The following ZNF184 variants were observed in gnomAD, a reference collection of about 807,000 sequenced individuals.
ZNF184 encodes the protein zinc finger protein 184 (Kruppel-like).
A neutral mutation model predicts 54.4 loss-of-function variants in ZNF184; 16 were observed. The ratio of observed to expected loss-of-function variants is 0.29; its 90% CI spans 0.20 to 0.45. The LOEUF is 0.45. ZNF184 is among the 20% of genes least tolerant of loss of function. ZNF184 has a pLI of 1.00. For missense variants in ZNF184, 681 were observed against 888.2 expected (o/e 0.77, Z 2.97); for synonymous variants, 254 against 295.3 (o/e 0.86, Z 1.43).
chr6:27,425,344 G>A, the ZNF184 span, among the ~76,000 whole-genome samples: 3 of 152,352 alleles, frequency 2.0e-5, no homozygotes, highest in Non-Finnish European at 4.4e-5. Flanking sequence ...AGGAGGCGCC[G>A]AGAGCGAGCG....
intron 3 of ZNF184, among the ~76,000 whole-genome samples, chr6:27,459,041 C>T (rs773898442): frequency 2.0e-5 from 3 of 152,002 alleles, no homozygotes; most frequent in Non-Finnish European, 4.4e-5. Context: ...ACAAAACGAG[C>T]TCATAGAGAG....
At chr6:27,408,459 A>G in the ZNF184 span, among the ~76,000 whole-genome samples, 1 of 152,174 alleles carries the variant, frequency 6.6e-6, no homozygotes, top group Non-Finnish European at 1.5e-5. Context: ...AGTATTCTCT[A>G]AAGTTCCCCT....
the ZNF184 span, among the ~76,000 whole-genome samples, chr6:27,424,356 C>T: frequency 8.3e-4 from 126 of 152,266 alleles, 2 homozygotes; most frequent in Middle Eastern, 3.4e-3. Flanking sequence ...CCACAGGGTA[C>T]AAGGAAAGCC....
In ZNF184 at chr6:27,465,016, C is replaced by CAAAAAAAAAAAAAAAAA. The variant is rs61602778; in HGVS notation, c.75+2820_75+2836dup. On this transcript the variant is annotated intron_variant, in intron 3 of 5. Transcript: ENST00000683788. The stretch of plus-strand genomic sequence containing the variant: ...TGGGCGACAGAGCAAGACTCTGTCT[C>CAAAAAAAAAAAAAAAAA]AAAAAAAAAAAAAAAAAAAAATAGA... Among the ~76,000 whole-genome samples, 3 of 48,916 alleles carry CAAAAAAAAAAAAAAAAA rather than the reference C, an allele frequency of 6.1e-5. 1 individual carries two copies. Among genetic ancestry groups the CAAAAAAAAAAAAAAAAA allele is most frequent in the African/African-American group, 2.3e-4 (2 of 8,696 alleles). The allele number at this position is 48,916 out of a possible 152,430, so 32.1% of individuals were successfully genotyped here. A position where few individuals can be genotyped will look rare whatever the true frequency, so the allele number is the denominator to read the frequency against.
At chr6:27,406,185 G>C in the ZNF184 span, 9 of 152,332 alleles carry the variant, frequency 5.9e-5, no homozygotes, top group Non-Finnish European at 1.2e-4. Context: ...AATGCTGATT[G>C]AGAAGAATGC....
intron 3 of ZNF184, among the ~76,000 whole-genome samples, chr6:27,463,437 TA>T (rs1228425334): frequency 6.6e-6 from 1 of 151,616 alleles, no homozygotes; most frequent in Non-Finnish European, 1.5e-5. Context: ...CTATTCAAAA[TA>T]AAAGAAAAAA....
intron 3 of ZNF184, among the ~76,000 whole-genome samples, chr6:27,464,679 G>A (rs1228762243): frequency 6.6e-6 from 1 of 151,914 alleles, no homozygotes; most frequent in African/African-American, 2.4e-5. Flanking sequence ...GAATACAAAT[G>A]GTCTAAACAC....
intron 3 of ZNF184, among the ~76,000 whole-genome samples, chr6:27,465,511 C>CAAAAAAAAAAAAAAAAAAAAAAA (rs1345135612): frequency 2.3e-5 from 2 of 88,444 alleles, no homozygotes; most frequent in African/African-American, 4.3e-5. Flanking sequence ...AAAAAAAAAG[C>CAAAAAAAAAAAAAAAAAAAAAAA]AAAACCCAAC....
chr6:27,465,016 CAAAAAAAA>C (rs61602778), intron 3 of ZNF184, among the ~76,000 whole-genome samples: 12 of 48,918 alleles, frequency 2.5e-4, no homozygotes, highest in African/African-American at 1.3e-3. Flanking sequence ...GACTCTGTCT[CAAAAAAAA>C]AAAAAAAAAA....
At chr6:27,458,295 T>TAAAAAAAAA (rs55966783) in intron 3 of ZNF184, among the ~76,000 whole-genome samples, 30 of 62,360 alleles carry the variant, frequency 4.8e-4, no homozygotes, top group Non-Finnish European at 6.8e-4. Context: ...TTCTGCACAG[T>TAAAAAAAAA]AAAAAAAAAA....
chr6:27,434,237 T>C, the ZNF184 span, among the ~76,000 whole-genome samples: 1 of 152,202 alleles, frequency 6.6e-6, no homozygotes, highest in African/African-American at 2.4e-5. Flanking sequence ...TTTAACTTTT[T>C]TGAGGAACTA....
chr6:27,451,665 G>A lies in ZNF184; in HGVS notation c.1894C>T (p.His632Tyr). Residue 632 changes from histidine (H) to tyrosine (Y), a missense_variant, in exon 6 of 6, where the codon CAT becomes TAT. Physicochemically the swap from His to Tyr is moderately conservative, Grantham distance 83. Coordinates refer to ENST00000683788, the MANE Select transcript of ZNF184 (RefSeq NM_001318891.2). The stretch of plus-strand genomic sequence containing the variant: ...TTTTCTTCTGTGTGAGTTTTTTGAT[G>A]TTGAGCAAGAGATGAACAATGTCGA... Reference protein sequence around the residue: ...AFRHCSSLAQHQKTHTEEKPY... With the variant: ...AFRHCSSLAQYQKTHTEEKPY... The A allele has an allele frequency of 6.2e-7, 1 of 1,614,090 alleles. No individual in the cohort carries two copies. The highest frequency in any genetic ancestry group is 8.5e-7 in the Non-Finnish European group (1 of 1,179,982).
the ZNF184 span, among the ~76,000 whole-genome samples, chr6:27,429,118 T>C: frequency 6.6e-6 from 1 of 152,320 alleles, no homozygotes; most frequent in East Asian, 1.9e-4. Flanking sequence ...TGTGGTTTCC[T>C]CCTTGCTTTC....
chr6:27,412,954 A>C, the ZNF184 span, among the ~76,000 whole-genome samples: 1 of 152,198 alleles, frequency 6.6e-6, no homozygotes, highest in East Asian at 1.9e-4. Flanking sequence ...AAGATTTAAG[A>C]GGCTAGGCGT....
chr6:27,471,205 T>C (rs1220768189), intron 2 of ZNF184, among the ~76,000 whole-genome samples: 2 of 152,112 alleles, frequency 1.3e-5, no homozygotes, highest in Non-Finnish European at 2.9e-5. Flanking sequence ...TAGGAAGAAA[T>C]AGAAGGAATA....
chr6:27,439,594 C>T, the ZNF184 span, among the ~76,000 whole-genome samples: 1 of 152,168 alleles, frequency 6.6e-6, no homozygotes, highest in Non-Finnish European at 1.5e-5. Context: ...CAGTTCATCT[C>T]ATCACATAGG....
downstream of ZNF184, among the ~76,000 whole-genome samples, chr6:27,450,580 T>C (rs1462705529): frequency 6.6e-6 from 1 of 151,924 alleles, no homozygotes; most frequent in Non-Finnish European, 1.5e-5. Context: ...TTTAAACAAA[T>C]TTCTATTGTT....
intron 2 of ZNF184, among the ~76,000 whole-genome samples, chr6:27,468,696 G>A (rs1283152129): frequency 1.3e-5 from 2 of 152,114 alleles, no homozygotes; most frequent in Non-Finnish European, 2.9e-5. Flanking sequence ...ATAAGAAAGA[G>A]CTACTAACAT....
the ZNF184 span, among the ~76,000 whole-genome samples, chr6:27,425,049 C>T: frequency 6.6e-6 from 1 of 152,220 alleles, no homozygotes; most frequent in Admixed American, 6.5e-5. Flanking sequence ...CCCAGTACAC[C>T]CTCCGCAGCC....
Sources: gnomAD v4.1 joint callset for allele counts (sites outside exome capture counted in the v4.1 genomes callset) on GRCh38, gnomAD v4.1.1 for gene constraint, MANE v1.5 for transcripts, NCBI Gene and HGNC (gene_info 2026-07-23, HGNC 2026-07-21) for gene names.